The following PIK3AP1 variants were observed in gnomAD, a reference collection of about 807,000 sequenced individuals.
The protein encoded by PIK3AP1 is phosphoinositide 3-kinase adapter protein 1.
In PIK3AP1, 21 loss-of-function variants were observed where a neutral mutation model predicts 88.1. The observed-to-expected ratio is 0.24, with a 90% confidence interval of 0.17 to 0.34. PIK3AP1 has a LOEUF of 0.34. Among genes scored for constraint, PIK3AP1 ranks in the 10% least tolerant of loss-of-function variants. The probability of loss-of-function intolerance (pLI) is 1.00; values close to 1 mark genes in which losing one functional copy is unlikely to be tolerated. For synonymous variants in PIK3AP1, 398 were observed against 400.0 expected, an observed-to-expected ratio of 1.00 and a Z score of 0.06; for missense variants, 828 against 1,035.7, an observed-to-expected ratio of 0.80 and a Z score of 2.75.
chr10:96,616,474 T>C (rs1849216723), intron 13 of PIK3AP1, among the ~76,000 whole-genome samples, 165 bp downstream of exon 13: 1 of 152,198 alleles, frequency 6.6e-6, no homozygotes. Context: ...GATATAACCA[T>C]TGTCCAAAAG....
chr10:96,654,368 G>A (rs1014317223), intron 3 of PIK3AP1, among the ~76,000 whole-genome samples: 3 of 152,222 alleles, frequency 2.0e-5, no homozygotes, highest in South Asian at 2.1e-4. Context: ...TTCCTCCTAA[G>A]ACTCTGCTAT....
chr10:96,705,372 C>G (rs1356616825), intron 2 of PIK3AP1, among the ~76,000 whole-genome samples: 2 of 152,120 alleles, frequency 1.3e-5, no homozygotes, highest in Non-Finnish European at 2.9e-5. Flanking sequence ...CTTTACAGCA[C>G]GTCTGCAGTA....
chr10:96,698,841 T>C (rs1259107702), intron 2 of PIK3AP1, among the ~76,000 whole-genome samples: 2 of 152,166 alleles, frequency 1.3e-5, no homozygotes, highest in Non-Finnish European at 2.9e-5. Flanking sequence ...AATAAATGAA[T>C]GAGTGAAGAA....
intron 2 of PIK3AP1, among the ~76,000 whole-genome samples, chr10:96,658,325 G>A (rs1843642931): frequency 6.6e-6 from 1 of 152,118 alleles, no homozygotes; most frequent in South Asian, 2.1e-4. Context: ...GGCCTCTGCA[G>A]AGTTTGTGGC....
chr10:96,609,895 T>C, intron 13 of PIK3AP1, 28 bp from the exon 14 acceptor site: 1 of 1,612,192 alleles, frequency 6.2e-7, no homozygotes, highest in Non-Finnish European at 8.5e-7. Flanking sequence ...AGGGATAAGC[T>C]GTCAAGATAC....
chr10:96,608,525 G>A (rs11188852), intron 14 of PIK3AP1, among the ~76,000 whole-genome samples: 1 of 152,346 alleles, frequency 6.6e-6, no homozygotes, highest in East Asian at 1.9e-4. Context: ...GGATCTACTC[G>A]CACCTTTGCC....
intron 13 of PIK3AP1, 98 bp from the exon 14 acceptor site, chr10:96,609,965 C>T (rs897757559): frequency 3.6e-5 from 51 of 1,434,432 alleles, no homozygotes; most frequent in Non-Finnish European, 4.4e-5. Context: ...CTCACAGGAG[C>T]CTGCATGGGA....
intron 10 of PIK3AP1, among the ~76,000 whole-genome samples, chr10:96,624,671 AAAAAG>A (rs1195757031): frequency 6.6e-6 from 1 of 152,102 alleles, no homozygotes; most frequent in Non-Finnish European, 1.5e-5. Flanking sequence ...CAAAAAAAAA[AAAAAG>A]AAAGGTGAAA....
chr10:96,710,160 T>C (rs952416815), intron 1 of PIK3AP1, among the ~76,000 whole-genome samples, 177 bp from the exon 2 acceptor site: 1 of 152,190 alleles, frequency 6.6e-6, no homozygotes, highest in African/African-American at 2.4e-5. Context: ...TTACAGTCTG[T>C]GTTCCAATCA....
At chr10:96,607,129 GT>G (rs879309505) in intron 14 of PIK3AP1, among the ~76,000 whole-genome samples, 5 of 151,866 alleles carry the variant, frequency 3.3e-5, no homozygotes, top group Non-Finnish European at 4.4e-5. Flanking sequence ...TAAAAACAGT[GT>G]TTTTTTTAGG....
At chr10:96,598,130 A>G (rs1848813529) in intron 16 of PIK3AP1, among the ~76,000 whole-genome samples, 1 of 149,198 alleles carries the variant, frequency 6.7e-6, no homozygotes, top group South Asian at 2.1e-4. Flanking sequence ...TACAGCCTCA[A>G]ACTCCCAGGC....
At chr10:96,596,197 C>T (rs1412289353) in intron 16 of PIK3AP1, among the ~76,000 whole-genome samples, 1 of 152,202 alleles carries the variant, frequency 6.6e-6, no homozygotes, top group Non-Finnish European at 1.5e-5. Context: ...ACCCTAGGGC[C>T]AGGTACCAGA....
rs755242463 is a variant in PIK3AP1 at position 96,635,864 on chromosome 10, G to A, written c.1376-7371C>T. ...AGGTTGCAGTGAGCTGAGATTGCAC[G>A]ACGGCACTCCAGCCTGGGCAACAGA... On this transcript the variant is annotated intron_variant, in intron 8 of 16. Coordinates refer to ENST00000339364, the MANE Select transcript of PIK3AP1 (RefSeq NM_152309.3). Among the ~76,000 whole-genome samples, 13 of 151,672 alleles carry A rather than the reference G, an allele frequency of 8.6e-5. 1 individual carries two copies. The highest frequency in any genetic ancestry group is 4.6e-4 in the Admixed American group (7 of 15,214).
At chr10:96,645,733 G>A (rs1383818257) in intron 7 of PIK3AP1, 71 bp from the exon 8 acceptor site, 27 of 1,356,562 alleles carry the variant, frequency 2.0e-5, no homozygotes, top group Non-Finnish European at 2.0e-5. Flanking sequence ...GGCCCCCGAA[G>A]GCACTTGTGG....
In PIK3AP1 at chr10:96,640,492, G is replaced by C. The variant is rs116664483; in HGVS notation, c.1375+4981C>G. On this transcript the variant is annotated intron_variant, in intron 8 of 16. Coordinates refer to ENST00000339364, the MANE Select transcript of PIK3AP1 (RefSeq NM_152309.3). The stretch of plus-strand genomic sequence containing the variant: ...ACTACCATATCATTCTCCAAGGTAA[G>C]GGCAGGGGACAAAGAACTAAGTGAG... Among the ~76,000 whole-genome samples, 524 of 152,242 alleles carry C rather than the reference G, an allele frequency of 3.4e-3. 2 individuals carry two copies. Among genetic ancestry groups the C allele is most frequent in the African/African-American group, 0.012 (501 of 41,544 alleles).
At chr10:96,703,574 T>C (rs551340907) in intron 2 of PIK3AP1, among the ~76,000 whole-genome samples, 4 of 152,228 alleles carry the variant, frequency 2.6e-5, no homozygotes, top group Non-Finnish European at 5.9e-5. Flanking sequence ...TCTATTTTTA[T>C]ATTCCATTGA....
intron 8 of PIK3AP1, 104 bp downstream of exon 8, chr10:96,645,369 T>C: frequency 8.8e-7 from 1 of 1,135,950 alleles, no homozygotes; most frequent in South Asian, 1.5e-5. Flanking sequence ...CTCTCTGGGG[T>C]GAAGTGAGGG....
At chr10:96,633,078 C>G in intron 8 of PIK3AP1, 2 of 1,571,842 alleles carry the variant, frequency 1.3e-6, no homozygotes, top group Non-Finnish European at 1.7e-6. Flanking sequence ...AGAGCAATTT[C>G]TCTCATAGCA....
chr10:96,709,067 G>A (rs1844403345), intron 2 of PIK3AP1, among the ~76,000 whole-genome samples: 1 of 150,012 alleles, frequency 6.7e-6, no homozygotes, highest in Non-Finnish European at 1.5e-5. Context: ...TGGAGGCAGA[G>A]GTTGCAGTCC....
Sources: allele counts gnomAD v4.1 joint callset (sites outside exome capture counted in the v4.1 genomes callset), GRCh38; gene constraint gnomAD v4.1.1; transcripts MANE v1.5; gene names NCBI Gene and HGNC (gene_info 2026-07-23, HGNC 2026-07-21).